CCDC91: variants seen among roughly 807,000 people sequenced by gnomAD.
CCDC91 encodes the protein coiled-coil domain-containing protein 91.
Under a neutral mutation model 63.2 loss-of-function variants are expected in CCDC91, and 48 were observed. That is an observed-to-expected ratio of 0.76 (90% CI 0.60 to 0.97). CCDC91 has a LOEUF of 0.97. Ranked by LOEUF, CCDC91 falls within the 50% of genes least tolerant of loss-of-function variation. CCDC91 has a pLI of 0.00. For synonymous variants in CCDC91, 167 were observed against 165.8 expected (o/e 1.01, Z -0.06); for missense variants, 500 against 494.6 (o/e 1.01, Z -0.10).
intron 3 of CCDC91, among the ~76,000 whole-genome samples, chr12:28,280,795 A>G (rs966865044): frequency 1.3e-5 from 2 of 148,900 alleles, no homozygotes; most frequent in Non-Finnish European, 3.0e-5. Flanking sequence ...CCGGTGCAAC[A>G]TAGTGAGACC....
intron 11 of CCDC91, among the ~76,000 whole-genome samples, chr12:28,482,702 T>C (rs1166096456): frequency 6.6e-6 from 1 of 151,932 alleles, no homozygotes; most frequent in Non-Finnish European, 1.5e-5. Flanking sequence ...GGGCTTCTTA[T>C]AAGAAGAAAT....
intron 12 of CCDC91, among the ~76,000 whole-genome samples, chr12:28,493,353 T>C (rs1197782043): frequency 2.0e-5 from 3 of 151,798 alleles, no homozygotes; most frequent in Admixed American, 6.6e-5. Flanking sequence ...TAGGAATTAT[T>C]ACTTTTTCCA....
intron 1 of CCDC91, among the ~76,000 whole-genome samples, chr12:28,225,565 C>T (rs1404027259): frequency 6.6e-6 from 1 of 152,162 alleles, no homozygotes; most frequent in Non-Finnish European, 1.5e-5. Flanking sequence ...ATTCTCCAGC[C>T]TCAGCCTCCG....
intron 11 of CCDC91, among the ~76,000 whole-genome samples, chr12:28,454,244 T>C (rs576654603): frequency 6.6e-6 from 1 of 152,334 alleles, no homozygotes; most frequent in East Asian, 1.9e-4. Flanking sequence ...TGTTGGTTTC[T>C]ATGCATTAGA....
chr12:28,496,939 T>TATGC (rs202203373), intron 12 of CCDC91, among the ~76,000 whole-genome samples: 2,249 of 144,100 alleles, frequency 0.016, 26 homozygotes, highest in South Asian at 0.028. Flanking sequence ...TACATATATA[T>TATGC]ATACATATAT....
intron 12 of CCDC91, among the ~76,000 whole-genome samples, chr12:28,502,638 C>T (rs1413679486): frequency 2.0e-5 from 3 of 150,840 alleles, no homozygotes; most frequent in Non-Finnish European, 4.5e-5. Context: ...AATCCTAAGC[C>T]AAAAGAACAA....
intron 11 of CCDC91, among the ~76,000 whole-genome samples, chr12:28,460,421 G>A (rs1406090477): frequency 1.3e-5 from 2 of 152,138 alleles, no homozygotes; most frequent in Admixed American, 6.6e-5. Context: ...AAGGAGTAAA[G>A]AGGGTTAGAT....
rs1944243248 is a variant in CCDC91 at position 28,365,935 on chromosome 12, C to T, written c.654+3420C>T. ...CTAGTTATCCTGGACTAGATGTAAT[C>T]AATCACTTTTTTCCTGTCCCTGTTG... On this transcript the variant is annotated intron_variant, in intron 7 of 12. Transcript: ENST00000536442. Among the ~76,000 whole-genome samples, 4 of 152,204 alleles carry T rather than the reference C, an allele frequency of 2.6e-5. No homozygotes were observed. In the South Asian group the frequency reaches 8.3e-4, roughly 32 times the overall value.
intron 12 of CCDC91, among the ~76,000 whole-genome samples, chr12:28,538,254 C>G (rs1942341742): frequency 9.4e-6 from 1 of 106,314 alleles, no homozygotes; most frequent in Non-Finnish European, 1.8e-5. Flanking sequence ...TATCCCTCCC[C>G]CTTCCCCCCC....
chr12:28,500,943 C>T (rs1937753369), intron 12 of CCDC91, among the ~76,000 whole-genome samples: 1 of 151,582 alleles, frequency 6.6e-6, no homozygotes, highest in South Asian at 2.1e-4. Flanking sequence ...TAGAAATTCT[C>T]ATATATACTT....
chr12:28,372,064 A>C (rs147478739), intron 7 of CCDC91, among the ~76,000 whole-genome samples: 156 of 152,304 alleles, frequency 1.0e-3, no homozygotes, highest in African/African-American at 3.4e-3. Flanking sequence ...GTGGATATCC[A>C]GTTTTTCCAG....
intron 8 of CCDC91, among the ~76,000 whole-genome samples, chr12:28,420,734 G>A (rs1309094650): frequency 6.7e-6 from 1 of 150,026 alleles, no homozygotes; most frequent in African/African-American, 2.4e-5. Flanking sequence ...TCACTTAACA[G>A]TGTTGCAGGT....
intron 11 of CCDC91, among the ~76,000 whole-genome samples, chr12:28,472,997 T>C (rs770707584): frequency 3.3e-5 from 5 of 152,188 alleles, no homozygotes; most frequent in African/African-American, 9.7e-5. Flanking sequence ...AGCTAGACTT[T>C]GTGATTCAAA....
At chr12:28,256,977 A>C (rs1171080041) in intron 1 of CCDC91, 1 of 441,318 alleles carries the variant, frequency 2.3e-6, no homozygotes, top group East Asian at 3.8e-5. Flanking sequence ...CACTCCTGGC[A>C]TCTCAACATA....
chr12:28,496,943 CATAT>C lies in CCDC91; in HGVS notation c.1215+12793_1215+12796del, dbSNP rs140551640. Among the ~76,000 whole-genome samples, 1,007 of 138,086 alleles carry C rather than the reference CATAT, an allele frequency of 7.3e-3. 14 individuals are homozygous for C. Among genetic ancestry groups the C allele is most frequent in the African/African-American group, 0.024 (928 of 37,958 alleles). The allele number at this position is 138,086 out of a possible 152,430, so 90.6% of individuals were successfully genotyped here. A position where few individuals can be genotyped will look rare whatever the true frequency, so the allele number is the denominator to read the frequency against. On this transcript the variant is annotated intron_variant, in intron 12 of 12. Coordinates refer to ENST00000536442, the MANE Select transcript of CCDC91 (RefSeq NM_018318.5). ...AGGTATATATATACATATATATATA[CATAT>C]ATATATATATATATGTAGGATTTTT...
Position 28,549,046 on chromosome 12 carries a change from T to C in CCDC91, c.1216-17T>C, listed in dbSNP as rs1218460580. The C allele has an allele frequency of 3.1e-5, 47 of 1,539,974 alleles. No individual in the cohort carries two copies. The highest frequency in any genetic ancestry group is 4.2e-5 in the Non-Finnish European group (47 of 1,115,684). ...TTTTTTTTTCTCTTTCTCTCTCTCT[T>C]TAAAAAAATTAAACAGCTCGATCAA... On this transcript the variant is annotated splice_polypyrimidine_tract_variant and intron_variant, in intron 12 of 12. Coordinates refer to ENST00000536442, the MANE Select transcript of CCDC91 (RefSeq NM_018318.5).
At chr12:28,465,447 G>T (rs761831270) in intron 11 of CCDC91, among the ~76,000 whole-genome samples, 1 of 152,126 alleles carries the variant, frequency 6.6e-6, no homozygotes, top group Non-Finnish European at 1.5e-5. Flanking sequence ...AGGGGTGGTG[G>T]CCCCAGCTCT....
chr12:28,498,597 G>A (rs924294117), intron 12 of CCDC91, among the ~76,000 whole-genome samples: 1 of 151,610 alleles, frequency 6.6e-6, no homozygotes, highest in Non-Finnish European at 1.5e-5. Flanking sequence ...AAAAAGAATG[G>A]CTAAATATTT....
intron 7 of CCDC91, among the ~76,000 whole-genome samples, chr12:28,377,595 T>G (rs768955193): frequency 6.6e-6 from 1 of 151,938 alleles, no homozygotes; most frequent in South Asian, 2.1e-4. Context: ...AGTTACTTAT[T>G]ATTACATTCA....
Sources: gnomAD v4.1 joint callset for allele counts (sites outside exome capture counted in the v4.1 genomes callset) on GRCh38, gnomAD v4.1.1 for gene constraint, MANE v1.5 for transcripts, NCBI Gene and HGNC (gene_info 2026-07-23, HGNC 2026-07-21) for gene names.